B9D1: variants seen among roughly 807,000 people sequenced by gnomAD.
B9D1 encodes B9 domain containing 1, also known as B9 domain-containing protein 1.
B9D1 carries 20 observed loss-of-function variants against 26.1 expected under a neutral mutation model. The ratio of observed to expected loss-of-function variants is 0.77; its 90% CI spans 0.54 to 1.12. The LOEUF (loss-of-function observed/expected upper bound fraction) is 1.12, where lower values mean the gene tolerates loss of function less well. Among genes scored for constraint, B9D1 ranks in the 50% most tolerant of loss-of-function variants. The pLI, the probability that B9D1 is intolerant of heterozygous loss-of-function variation, is 0.00. For missense variants in B9D1, 260 were observed against 273.7 expected, an observed-to-expected ratio of 0.95 and a Z score of 0.35; for synonymous variants, 105 against 103.1, an observed-to-expected ratio of 1.02 and a Z score of -0.11.
intron 1 of B9D1, among the ~76,000 whole-genome samples, chr17:19,377,004 T>C (rs1026358083): frequency 6.6e-6 from 1 of 152,122 alleles, no homozygotes; most frequent in Non-Finnish European, 1.5e-5. Flanking sequence ...GAATAGACAT[T>C]GAACAGACAT....
intron 1 of B9D1, among the ~76,000 whole-genome samples, chr17:19,360,781 G>T (rs1354329585): frequency 1.3e-5 from 2 of 152,192 alleles, no homozygotes; most frequent in Non-Finnish European, 2.9e-5. Flanking sequence ...AAGTCTGTCA[G>T]TTCCTCTAGA....
intron 1 of B9D1, chr17:19,371,467 T>C (rs72838814): frequency 0.047 from 7,136 of 152,324 alleles, 222 homozygotes; most frequent in East Asian, 0.11. Flanking sequence ...TACTCCCATT[T>C]TGCAGAAGTG....
downstream of B9D1, chr17:19,335,090 A>G (rs1907338341): frequency 4.8e-6 from 1 of 206,986 alleles, no homozygotes; most frequent in Non-Finnish European, 9.6e-6. Context: ...GATGACAAAA[A>G]AATGCCTTAT....
intron 3 of B9D1, among the ~76,000 whole-genome samples, chr17:19,351,892 T>G (rs116117736): frequency 1.3e-5 from 2 of 152,028 alleles, no homozygotes; most frequent in African/African-American, 4.8e-5. Context: ...TGTTTCTTCT[T>G]ATTATTTTTT....
chr17:19,360,357 T>C lies in B9D1; in HGVS notation c.95A>G (p.Tyr32Cys), dbSNP rs771170000. 1.9e-5 allele frequency: 30 copies of C among 1,613,802 alleles called. No individual in the cohort carries two copies. The highest frequency in any genetic ancestry group is 2.4e-5 in the Non-Finnish European group (28 of 1,180,028). The change falls in exon 2 of 7, where the codon TAC (tyrosine) becomes TGC (cysteine). Residue 32 changes from tyrosine (Y) to cysteine (C), a missense_variant. Tyr to Cys is a radical substitution (Grantham distance 194, BLOSUM62 -2). Transcript: ENST00000261499. ...FPEYDDLYCK[Y>C]CFVYGQDWAP... ...CCAGTCCTGGCCGTACACAAAGCAG[T>C]ACTTGCAGTAGAGGTCATCATACTC...
intron 3 of B9D1, among the ~76,000 whole-genome samples, chr17:19,354,817 G>T (rs764860607): frequency 6.6e-6 from 1 of 152,174 alleles, no homozygotes; most frequent in Non-Finnish European, 1.5e-5. Flanking sequence ...GACAGAGCAA[G>T]ACTCCGTCTC....
intron 3 of B9D1, among the ~76,000 whole-genome samples, chr17:19,351,230 A>G (rs1909564006): frequency 6.6e-6 from 1 of 152,158 alleles, no homozygotes. Context: ...TCCTGGCCTC[A>G]AGCAATCTTC....
At chr17:19,352,915 GT>G (rs991589403) in intron 3 of B9D1, among the ~76,000 whole-genome samples, 2 of 150,744 alleles carry the variant, frequency 1.3e-5, no homozygotes, top group Non-Finnish European at 2.9e-5. Flanking sequence ...TGATCCACCC[GT>G]TTTGGCCTCC....
At position 19,370,353 on chromosome 17, in the gene B9D1, C is replaced by T. The variant is rs555475354; in HGVS notation, c.-298+7506G>A. ...AGAACAACCCTCAGAGGAGATGGCC[C>T]CTGGCTGAGCCTGGAGATACCACCA... is the stretch of plus-strand genomic sequence containing the variant. On this transcript the variant is annotated intron_variant, in intron 1 of 5. Coordinates refer to the B9D1 transcript ENST00000477478. The surrounding 1 kb of genome is among the most constrained non-coding windows in gnomAD (Gnocchi z 5.1). Among the ~76,000 whole-genome samples the T allele has an allele frequency of 3.3e-5, 5 of 152,310 alleles. No homozygotes were observed. Among genetic ancestry groups the T allele is most frequent in the Non-Finnish European group, 7.4e-5 (5 of 68,020 alleles).
At position 19,356,329 on chromosome 17, in the gene B9D1, C is replaced by T. The variant is rs555666447; in HGVS notation, c.244+1511G>A. On this transcript the variant is annotated intron_variant, in intron 3 of 6. Transcript: ENST00000261499. ...CTGGTCTTAAACTCCTGAGCTCAGG[C>T]GATCTGCCTGCCTCAGCCTCCCAAA... is the stretch of plus-strand genomic sequence containing the variant. Among the ~76,000 whole-genome samples the T allele has an allele frequency of 3.9e-5, 6 of 152,236 alleles. No homozygotes were observed. In the South Asian group the frequency reaches 1.2e-3, roughly 32 times the overall value.
downstream of B9D1, among the ~76,000 whole-genome samples, chr17:19,338,043 A>G (rs8079844): frequency 0.97 from 147,197 of 152,314 alleles, 71,388 homozygotes; most frequent in African/African-American, 0.99. Context: ...GGCTCTGTGG[A>G]GTACAGAGCC....
At chr17:19,362,442 G>A (rs1911220693) in intron 1 of B9D1, 65 bp downstream of exon 1, 5 of 1,279,836 alleles carry the variant, frequency 3.9e-6, no homozygotes, top group Non-Finnish European at 5.4e-6. Context: ...GCAGCCCGGG[G>A]GGTTGCGGGA....
chr17:19,347,373 ACCTTTCTGAG>A lies in B9D1; in HGVS notation c.342-52_342-43del, dbSNP rs1908973169. The A allele has an allele frequency of 1.9e-6, 3 of 1,607,980 alleles. No homozygotes were observed. Among genetic ancestry groups the A allele is most frequent in the Non-Finnish European group, 2.6e-6 (3 of 1,174,702 alleles). On this transcript the variant is annotated intron_variant, in intron 4 of 6. Transcript: ENST00000261499. This position sits in a 1 kb window ranked among gnomAD's most constrained non-coding sequence, Gnocchi z 4.3. The stretch of plus-strand genomic sequence containing the variant: ...TGCAGACAGAGATGCTGAGTAAGAG[ACCTTTCTGAG>A]CCTCCAGGGAGAAGAAACCCTCAGA...
chr17:19,337,384 G>A (rs74725000), downstream of B9D1, among the ~76,000 whole-genome samples: 185 of 152,320 alleles, frequency 1.2e-3, no homozygotes, highest in Admixed American at 1.9e-3. Flanking sequence ...AGGCAGAGGC[G>A]GCTGGGAGAC....
chr17:19,369,500 TG>T (rs2152283187), intron 1 of B9D1, among the ~76,000 whole-genome samples: 1 of 152,252 alleles, frequency 6.6e-6, no homozygotes, highest in South Asian at 2.1e-4. Flanking sequence ...AGCACATCAC[TG>T]GGGGTAGGAG....
At chr17:19,376,955 C>T (rs1037896584) in intron 1 of B9D1, among the ~76,000 whole-genome samples, 2 of 152,170 alleles carry the variant, frequency 1.3e-5, no homozygotes, top group African/African-American at 4.8e-5. Flanking sequence ...CTACCTGTGA[C>T]TTGGAAGCCC....
chr17:19,336,922 G>A (rs1317781698), downstream of B9D1, among the ~76,000 whole-genome samples: 1 of 152,218 alleles, frequency 6.6e-6, no homozygotes, highest in Non-Finnish European at 1.5e-5. Context: ...TTTGTGAGGT[G>A]CTGAGACTGG....
chr17:19,351,005 A>AT (rs1252155560), intron 3 of B9D1, among the ~76,000 whole-genome samples: 3 of 151,926 alleles, frequency 2.0e-5, no homozygotes, highest in Non-Finnish European at 4.4e-5. Flanking sequence ...AACCCGGCTA[A>AT]TTTTTGTATT....
At chr17:19,363,235 T>C (rs1911364535), upstream of B9D1, among the ~76,000 whole-genome samples, 1 of 152,180 alleles carries the variant, frequency 6.6e-6, no homozygotes, top group African/African-American at 2.4e-5. Flanking sequence ...TTAAACAAAC[T>C]TGGGAGGGAC....
Sources: allele counts gnomAD v4.1 joint callset (sites outside exome capture counted in the v4.1 genomes callset), GRCh38; gene constraint gnomAD v4.1.1; non-coding constraint Gnocchi (gnomAD v3.1); transcripts MANE v1.5; gene names NCBI Gene and HGNC (gene_info 2026-07-23, HGNC 2026-07-21).